NOL10: variants seen among roughly 807,000 people sequenced by gnomAD.
NOL10 encodes the protein H_NH0074G24.1.
Under a neutral mutation model 103.5 loss-of-function variants are expected in NOL10, and 58 were observed. The ratio of observed to expected loss-of-function variants is 0.56; its 90% CI spans 0.45 to 0.70. The LOEUF (loss-of-function observed/expected upper bound fraction) is 0.70, where lower values mean the gene tolerates loss of function less well. Among genes scored for constraint, NOL10 ranks in the 30% least tolerant of loss-of-function variants. NOL10 has a pLI of 0.00. For synonymous variants in NOL10, 287 were observed against 282.5 expected, an observed-to-expected ratio of 1.02 and a Z score of -0.16; for missense variants, 763 against 807.3, an observed-to-expected ratio of 0.95 and a Z score of 0.67.
At chr2:10,636,021 G>T (rs1052265379) in intron 13 of NOL10, among the ~76,000 whole-genome samples, 2 of 152,110 alleles carry the variant, frequency 1.3e-5, no homozygotes, top group Non-Finnish European at 2.9e-5. Context: ...AAGTAGCTGG[G>T]ATTACAGGCA....
At chr2:10,677,371 A>C (rs753693774) in intron 3 of NOL10, among the ~76,000 whole-genome samples, 1 of 152,198 alleles carries the variant, frequency 6.6e-6, no homozygotes, top group Non-Finnish European at 1.5e-5. Flanking sequence ...TTAAAAATAA[A>C]AGAATGAGGT....
At position 10,601,657 on chromosome 2, in the gene NOL10, C is replaced by T. The variant is rs115219983; in HGVS notation, c.1333-715G>A. Among the ~76,000 whole-genome samples, 1,383 of 152,192 alleles carry T rather than the reference C, an allele frequency of 9.1e-3. 17 individuals carry two copies. The highest frequency in any genetic ancestry group is 0.031 in the African/African-American group (1,269 of 41,510). The stretch of plus-strand genomic sequence containing the variant: ...CAAAATTCTGTCTCTACTAAAACTA[C>T]AAAAAATTAGTTGAGTGTGGTAGTG... On this transcript the variant is annotated intron_variant, in intron 16 of 20. Coordinates refer to ENST00000381685, the MANE Select transcript of NOL10 (RefSeq NM_024894.4).
chr2:10,669,461 ATTT>A (rs1231625046), intron 6 of NOL10, among the ~76,000 whole-genome samples: 1 of 121,812 alleles, frequency 8.2e-6, no homozygotes, highest in Non-Finnish European at 1.8e-5. Flanking sequence ...ATATATTTTT[ATTT>A]TTTATATATA....
At chr2:10,585,800 C>G (rs545661948) in intron 19 of NOL10, among the ~76,000 whole-genome samples, 1 of 152,292 alleles carries the variant, frequency 6.6e-6, no homozygotes, top group Non-Finnish European at 1.5e-5. Flanking sequence ...GTAAATGCTA[C>G]ATGCATAGTT....
chr2:10,687,497 C>G (rs1682300241), intron 1 of NOL10, among the ~76,000 whole-genome samples: 2 of 152,206 alleles, frequency 1.3e-5, no homozygotes, highest in East Asian at 3.9e-4. Flanking sequence ...GCCTCAGGTC[C>G]TCAGCCTAGT....
At chr2:10,585,619 G>A (rs1674987675) in intron 19 of NOL10, among the ~76,000 whole-genome samples, 1 of 152,318 alleles carries the variant, frequency 6.6e-6, no homozygotes, top group South Asian at 2.1e-4. Flanking sequence ...CAAATGGAGT[G>A]GAGTTGTCCC....
intron 20 of NOL10, among the ~76,000 whole-genome samples, chr2:10,575,594 C>G (rs9973572): frequency 0.55 from 84,086 of 151,990 alleles, 25,145 homozygotes; most frequent in Non-Finnish European, 0.7. Context: ...AATTTCAGAG[C>G]CATCTTATTT....
At chr2:10,597,431 A>C (rs1675750984) in intron 17 of NOL10, among the ~76,000 whole-genome samples, 1 of 152,240 alleles carries the variant, frequency 6.6e-6, no homozygotes, top group Admixed American at 6.5e-5. Flanking sequence ...CAAGCTTTTG[A>C]GGAGCTGAGT....
chr2:10,652,005 G>A (rs1679495280), intron 12 of NOL10, among the ~76,000 whole-genome samples: 2 of 152,150 alleles, frequency 1.3e-5, no homozygotes, highest in Non-Finnish European at 2.9e-5. Flanking sequence ...ACTTAGGGAG[G>A]CTGAGGCGGG....
At chr2:10,687,896 A>C (rs543951402) in intron 1 of NOL10, among the ~76,000 whole-genome samples, 3 of 152,264 alleles carry the variant, frequency 2.0e-5, no homozygotes, top group Admixed American at 2.0e-4. Context: ...GCAGTGAGCC[A>C]ACATCAGGCC....
chr2:10,594,663 G>C (rs1329885886), intron 17 of NOL10, among the ~76,000 whole-genome samples: 1 of 152,112 alleles, frequency 6.6e-6, no homozygotes, highest in Non-Finnish European at 1.5e-5. Flanking sequence ...AACAAGAAAT[G>C]CAGTCACAGA....
At chr2:10,659,410 C>G (rs1220491050) in intron 9 of NOL10, among the ~76,000 whole-genome samples, 160 bp from the exon 10 acceptor site, 1 of 149,592 alleles carries the variant, frequency 6.7e-6, no homozygotes, top group African/African-American at 2.5e-5. Flanking sequence ...GGTAAGATGA[C>G]TCGCACCTGT....
intron 19 of NOL10, among the ~76,000 whole-genome samples, chr2:10,585,402 T>C (rs904022625): frequency 1.3e-5 from 2 of 151,876 alleles, no homozygotes; most frequent in African/African-American, 4.8e-5. Context: ...AGGCTAAACA[T>C]AGAGTTACTA....
chr2:10,685,493 C>G (rs758143723), intron 1 of NOL10, among the ~76,000 whole-genome samples: 10 of 15,986 alleles, frequency 6.3e-4, no homozygotes, highest in South Asian at 7.1e-3. Context: ...CTCCGTCCCC[C>G]CCCCCCCCCC....
chr2:10,652,710 A>C (rs1679558635), intron 12 of NOL10, among the ~76,000 whole-genome samples: 1 of 150,758 alleles, frequency 6.6e-6, no homozygotes, highest in African/African-American at 2.4e-5. Flanking sequence ...TTCTTATCTC[A>C]CTCCCAGCTT....
At chr2:10,578,361 G>A (rs1420894340) in intron 19 of NOL10, among the ~76,000 whole-genome samples, 2 of 152,100 alleles carry the variant, frequency 1.3e-5, no homozygotes, top group African/African-American at 4.8e-5. Context: ...TTACACTTTG[G>A]GTAACTGTAC....
chr2:10,573,331 C>CT (rs1674280759), intron 20 of NOL10, among the ~76,000 whole-genome samples: 1 of 152,084 alleles, frequency 6.6e-6, no homozygotes, highest in Admixed American at 6.6e-5. Flanking sequence ...GTAGCTGGGA[C>CT]TACAGGCACC....
At chr2:10,678,130 C>T (rs1159841728) in intron 3 of NOL10, among the ~76,000 whole-genome samples, 1 of 151,108 alleles carries the variant, frequency 6.6e-6, no homozygotes, top group Non-Finnish European at 1.5e-5. Context: ...CTCACTGTAA[C>T]CTCAAACTGC....
chr2:10,575,988 T>C (rs1674431569), intron 20 of NOL10, among the ~76,000 whole-genome samples: 1 of 152,222 alleles, frequency 6.6e-6, no homozygotes, highest in Non-Finnish European at 1.5e-5. Flanking sequence ...CTTAGAATAA[T>C]GAAGTTTTTT....
Sources: allele counts gnomAD v4.1 joint callset (sites outside exome capture counted in the v4.1 genomes callset), GRCh38; gene constraint gnomAD v4.1.1; transcripts MANE v1.5; gene names NCBI Gene and HGNC (gene_info 2026-07-23, HGNC 2026-07-21).